The following GBF1 variants were observed in gnomAD, a reference collection of about 807,000 sequenced individuals.
GBF1 encodes Golgi-specific brefeldin A-resistance guanine nucleotide exchange factor 1.
GBF1 carries 114 observed loss-of-function variants against 210.5 expected under a neutral mutation model. The ratio of observed to expected loss-of-function variants is 0.54; its 90% CI spans 0.47 to 0.63. The LOEUF (loss-of-function observed/expected upper bound fraction) is 0.63. Ranked by LOEUF, GBF1 falls within the 30% of genes least tolerant of loss-of-function variation. GBF1 has a pLI of 0.00. For synonymous variants in GBF1, 850 were observed against 889.2 expected (o/e 0.96, Z 0.78); for missense variants, 1,851 against 2,357.7 (o/e 0.79, Z 4.45).
At chr10:102,230,744 G>T in the GBF1 span, 3 of 1,490,092 alleles carry the variant, frequency 2.0e-6, no homozygotes, top group East Asian at 7.9e-5. Context: ...ACGGCGGCCG[G>T]AGCCAGCCCG....
In GBF1 at chr10:102,369,311, G is replaced by A. The variant is rs370706004; in HGVS notation, c.3074G>A (p.Arg1025Gln). The A allele has an allele frequency of 7.4e-6, 12 of 1,613,684 alleles. No homozygotes were observed. Among genetic ancestry groups the A allele is most frequent in the Admixed American group, 1.7e-5 (1 of 60,006 alleles). The change falls in exon 24 of 40, where the codon CGG (arginine) becomes CAG (glutamine). Residue 1025 changes from arginine (R) to glutamine (Q), a missense_variant. Around this residue, in one of 3 missense-constraint regions of GBF1, gnomAD observed 967 missense variants for 1,247.7 expected, o/e 0.78. Coordinates refer to ENST00000369983, the MANE Select transcript of GBF1 (RefSeq NM_001377137.1). ...HLAHRHGDIL[R>Q]EGWKNIMEAM... Reference sequence around the variant, plus strand: ...GCCCATCGTCATGGTGACATCCTGCGGGAGGGCTGGAAGAATATCATGGAG... The same window carrying A: ...GCCCATCGTCATGGTGACATCCTGCAGGAGGGCTGGAAGAATATCATGGAG...
upstream of GBF1, among the ~76,000 whole-genome samples, chr10:102,243,495 C>A (rs939552964): frequency 6.6e-6 from 1 of 152,106 alleles, no homozygotes; most frequent in African/African-American, 2.4e-5. Context: ...CTCTATTGCA[C>A]AATCACATGC....
the GBF1 span, among the ~76,000 whole-genome samples, chr10:102,239,693 C>T: frequency 6.6e-6 from 1 of 152,236 alleles, no homozygotes; most frequent in Non-Finnish European, 1.5e-5. Context: ...CAATGCCTTG[C>T]ACTTGTCCTT....
chr10:102,279,994 C>T (rs1289124290), intron 3 of GBF1, among the ~76,000 whole-genome samples: 2 of 151,974 alleles, frequency 1.3e-5, no homozygotes, highest in Non-Finnish European at 2.9e-5. Flanking sequence ...CATGGTGGCA[C>T]ACACCAGTAG....
chr10:102,376,880 GGGTATC>G, intron 32 of GBF1, 49 bp from the exon 33 acceptor site: 2 of 1,601,358 alleles, frequency 1.2e-6, no homozygotes, highest in Admixed American at 3.3e-5. Flanking sequence ...AGAAAAGGCA[GGGTATC>G]TATGCCTATA....
In GBF1 at chr10:102,362,382, A is replaced by G. The variant is rs1240423964; in HGVS notation, c.1687-93A>G. The stretch of plus-strand genomic sequence containing the variant: ...GAAAGACGTTTTCTAAGGGCAATGT[A>G]CAAGTTAGAAGAAGTTTTGGAAATT... On this transcript the variant is annotated intron_variant, in intron 14 of 39. Transcript: ENST00000369983. The G allele has an allele frequency of 1.1e-5, 10 of 922,672 alleles. No homozygotes were observed. In the South Asian group the frequency reaches 1.2e-4, roughly 11 times the overall value. The allele number at this position is 922,672 out of a possible 1,614,324, so 57.2% of individuals were successfully genotyped here.
At chr10:102,307,997 C>T (rs1456000472) in intron 3 of GBF1, among the ~76,000 whole-genome samples, 1 of 151,964 alleles carries the variant, frequency 6.6e-6, no homozygotes, top group East Asian at 1.9e-4. Flanking sequence ...AAAAGATACA[C>T]AATATCAAGT....
intron 3 of GBF1, among the ~76,000 whole-genome samples, chr10:102,295,096 G>A (rs1322900631): frequency 6.6e-6 from 1 of 152,158 alleles, no homozygotes; most frequent in Non-Finnish European, 1.5e-5. Context: ...TAATTAACAA[G>A]TGTGTATTGC....
intron 1 of GBF1, among the ~76,000 whole-genome samples, 155 bp from the exon 2 acceptor site, chr10:102,258,774 C>CA (rs74634439): frequency 0.013 from 1,031 of 79,186 alleles, 9 homozygotes; most frequent in African/African-American, 0.019. Flanking sequence ...AACTCTGCCT[C>CA]AAAAAAAAAA....
At chr10:102,231,859 C>T in the GBF1 span, 2 of 1,578,854 alleles carry the variant, frequency 1.3e-6, no homozygotes, top group East Asian at 2.2e-5. Flanking sequence ...TCGGGGACCT[C>T]CTAAGCCACT....
At chr10:102,297,727 T>A (rs1165704310) in intron 3 of GBF1, among the ~76,000 whole-genome samples, 1 of 152,246 alleles carries the variant, frequency 6.6e-6, no homozygotes, top group Non-Finnish European at 1.5e-5. Flanking sequence ...CTTCTGGACC[T>A]TTTCATAACC....
intron 17 of GBF1, among the ~76,000 whole-genome samples, chr10:102,364,849 G>A (rs894618922): frequency 1.3e-4 from 19 of 151,208 alleles, no homozygotes; most frequent in Non-Finnish European, 2.4e-4. Flanking sequence ...ACTCCATCTC[G>A]GAAAAAGAAA....
intron 3 of GBF1, among the ~76,000 whole-genome samples, chr10:102,319,662 C>T (rs1035745314): frequency 6.6e-6 from 1 of 151,636 alleles, no homozygotes; most frequent in Admixed American, 6.6e-5. Flanking sequence ...CTTCAGTTTT[C>T]TCTAGATCTC....
intron 3 of GBF1, among the ~76,000 whole-genome samples, chr10:102,337,589 C>T (rs981330003): frequency 6.6e-6 from 1 of 152,104 alleles, no homozygotes; most frequent in African/African-American, 2.4e-5. Context: ...TGGAGACTCA[C>T]GCCTGTAATC....
rs759556620 is a variant in GBF1, at chr10:102,370,854, T to C, written c.3654T>C (p.Ser1218=). ...GGCTTCTCCGGAGAGAAGAGATCAG[T>C]GCTCAGGTAAGCAGAATGCATCTTG... is the stretch of plus-strand genomic sequence containing the variant. ...AIRLLRREEI[S]AQVLLSLRIL... Residue 1218 remains serine (S), a synonymous_variant, in exon 29 of 40, where the codon AGT becomes AGC. Transcript: ENST00000369983. The C allele has an allele frequency of 1.2e-6, 2 of 1,613,900 alleles. No individual in the cohort carries two copies. The highest frequency in any genetic ancestry group is 2.7e-5 in the African/African-American group (2 of 74,918).
intron 12 of GBF1, 146 bp from the exon 13 acceptor site, chr10:102,360,876 G>A (rs2059560185): frequency 4.8e-6 from 3 of 630,892 alleles, no homozygotes; most frequent in Non-Finnish European, 2.8e-6. Context: ...TTGGGAGGCT[G>A]AGGAAGGAGA....
intron 14 of GBF1, among the ~76,000 whole-genome samples, chr10:102,362,217 C>T (rs111502721): frequency 2.1e-3 from 318 of 151,434 alleles, no homozygotes; most frequent in African/African-American, 6.9e-3. Flanking sequence ...CCACCACGCC[C>T]GGCTAATTTT....
chr10:102,293,114 TATTA>T (rs2076576425), intron 3 of GBF1, among the ~76,000 whole-genome samples: 1 of 152,218 alleles, frequency 6.6e-6, no homozygotes, highest in South Asian at 2.1e-4. Flanking sequence ...AGTGTCTCTA[TATTA>T]ATTTATCTGA....
chr10:102,257,625 T>C (rs1022892354), intron 1 of GBF1, among the ~76,000 whole-genome samples: 5 of 152,162 alleles, frequency 3.3e-5, no homozygotes, highest in African/African-American at 1.2e-4. Flanking sequence ...GGATGCAGCC[T>C]TTACGCTGAC....
Sources: gnomAD v4.1 joint callset for allele counts (sites outside exome capture counted in the v4.1 genomes callset) on GRCh38, gnomAD v4.1.1 for gene constraint, gnomAD v4.1.1 regional missense constraint, MANE v1.5 for transcripts, NCBI Gene and HGNC (gene_info 2026-07-23, HGNC 2026-07-21) for gene names.